Variants in UNC79 observed in about 807,000 individuals in gnomAD.
UNC79 encodes unc-79 subunit of NALCN channel complex.
A neutral mutation model predicts 283.1 loss-of-function variants in UNC79; 37 were observed. The observed-to-expected ratio is 0.13, with a 90% CI of 0.10 to 0.17. The LOEUF (loss-of-function observed/expected upper bound fraction) is 0.17, where lower values mean the gene tolerates loss of function less well. UNC79 is among the 10% of genes least tolerant of loss of function. The pLI is 1.00. For synonymous variants in UNC79, 1,107 were observed against 1,200.2 expected (o/e 0.92, Z 1.61); for missense variants, 2,272 against 3,211.1 (o/e 0.71, Z 7.07).
At chr14:93,668,379 A>G (rs2072448230) in intron 40 of UNC79, among the ~76,000 whole-genome samples, 1 of 152,126 alleles carries the variant, frequency 6.6e-6, no homozygotes, top group African/African-American at 2.4e-5. Context: ...ATACTTTTAA[A>G]ATGTCATCTA....
At chr14:93,368,511 C>T (rs572468755) in intron 1 of UNC79, among the ~76,000 whole-genome samples, 4 of 151,970 alleles carry the variant, frequency 2.6e-5, no homozygotes, top group African/African-American at 7.2e-5. Flanking sequence ...CTTGTTCTGT[C>T]GTCCAGGCTG....
At chr14:93,418,198 G>T (rs1229907736) in intron 1 of UNC79, among the ~76,000 whole-genome samples, 1 of 151,622 alleles carries the variant, frequency 6.6e-6, no homozygotes, top group South Asian at 2.1e-4. Flanking sequence ...TGGGTTTTTG[G>T]TGTGGATGCC....
intron 11 of UNC79, among the ~76,000 whole-genome samples, chr14:93,533,812 T>C (rs1459181592): frequency 6.6e-6 from 1 of 152,256 alleles, no homozygotes; most frequent in Non-Finnish European, 1.5e-5. Flanking sequence ...ACATTTAATC[T>C]ACCACAATCT....
At chr14:93,377,663 G>T (rs1482690846) in intron 1 of UNC79, among the ~76,000 whole-genome samples, 1 of 152,154 alleles carries the variant, frequency 6.6e-6, no homozygotes, top group Non-Finnish European at 1.5e-5. Flanking sequence ...TAACGGAACT[G>T]CTTATAGCTG....
At chr14:93,393,177 C>A (rs1467558127) in intron 1 of UNC79, among the ~76,000 whole-genome samples, 1 of 152,134 alleles carries the variant, frequency 6.6e-6, no homozygotes, top group Non-Finnish European at 1.5e-5. Flanking sequence ...TAAACTGACC[C>A]ACTTACACAA....
At chr14:93,594,226 A>G (rs1012932139) in intron 23 of UNC79, among the ~76,000 whole-genome samples, 3 of 152,042 alleles carry the variant, frequency 2.0e-5, no homozygotes, top group Non-Finnish European at 4.4e-5. Context: ...GAGCTACCGA[A>G]TCAGAATCTC....
chr14:93,529,948 G>A (rs1407390926), intron 10 of UNC79, among the ~76,000 whole-genome samples: 1 of 152,166 alleles, frequency 6.6e-6, no homozygotes, highest in Non-Finnish European at 1.5e-5. Context: ...AGCTATTCCA[G>A]CCATGTCATT....
intron 14 of UNC79, among the ~76,000 whole-genome samples, chr14:93,570,542 G>A (rs1455815285): frequency 1.3e-5 from 2 of 152,188 alleles, no homozygotes; most frequent in Non-Finnish European, 2.9e-5. Flanking sequence ...CTTCCCCTGG[G>A]CCATGTGCAG....
At chr14:93,591,741 A>G (rs569641740) in intron 22 of UNC79, among the ~76,000 whole-genome samples, 5 of 152,356 alleles carry the variant, frequency 3.3e-5, no homozygotes, top group South Asian at 2.1e-4. Flanking sequence ...CACTAGTGGC[A>G]CTTCGTATGG....
rs770262206 is a variant in UNC79, at chr14:93,698,595, C to T, written c.7548+4183C>T. On this transcript the variant is annotated intron_variant, in intron 47 of 48. Transcript: ENST00000555664. ...CTGCCTCCCGGGTTCAAGCAATTCTCGTGCTTTAGTCTCCTGAGTAGCTGG... is the reference window on the plus strand; with the variant it reads ...CTGCCTCCCGGGTTCAAGCAATTCTTGTGCTTTAGTCTCCTGAGTAGCTGG... 4.9e-5 allele frequency among the ~76,000 whole-genome samples: 7 copies of T among 142,200 alleles called. No individual in the cohort carries two copies. In the East Asian group the frequency reaches 6.6e-4, roughly 13 times the overall value. 93.3% of individuals were successfully genotyped at this position (142,200 alleles called of 152,430 possible). A position where few individuals can be genotyped will look rare whatever the true frequency, so the allele number is the denominator to read the frequency against.
At chr14:93,451,681 A>G (rs2056647989) in intron 1 of UNC79, among the ~76,000 whole-genome samples, 1 of 152,172 alleles carries the variant, frequency 6.6e-6, no homozygotes, top group Non-Finnish European at 1.5e-5. Context: ...TTTTCAGCCA[A>G]TCCCCCACAT....
At chr14:93,547,171 G>T in intron 14 of UNC79, among the ~76,000 whole-genome samples, 1 of 152,176 alleles carries the variant, frequency 6.6e-6, no homozygotes, top group East Asian at 1.9e-4. Context: ...GAAGCATAAA[G>T]ATGTATCATG....
At position 93,621,717 on chromosome 14, in the gene UNC79, G is replaced by C; in HGVS notation, c.4484G>C (p.Arg1495Pro). The C allele has an allele frequency of 6.2e-7, 1 of 1,613,830 alleles. No individual in the cohort carries two copies. ...GAAAGCATTCCGAAAAAAAAGCTAC[G>C]CTCTTTCAAACAAAAATCTCTTGAT... Residue 1495 changes from arginine to proline, a missense_variant, in exon 30 of 49, where the codon CGC becomes CCC. Around this residue, in one of 11 missense-constraint regions of UNC79, gnomAD observed 580 missense variants for 632.2 expected, o/e 0.92. Coordinates refer to ENST00000555664, the Ensembl canonical transcript of UNC79. The surrounding 1 kb of genome is among the most constrained non-coding windows in gnomAD (Gnocchi z 4.8).
Position 93,430,963 on chromosome 14 carries a change from G to A in UNC79, c.-67G>A. On this transcript the variant is annotated 5_prime_UTR_variant, in exon 1 of 49. Transcript: ENST00000555664. This position sits in a 1 kb window ranked among gnomAD's most constrained non-coding sequence, Gnocchi z 4.6. ...TATGCACTCTTTTCCTCGCAACATC[G>A]CTGGCGGAGCGAGGGAGCTCACACG... 1.4e-6 allele frequency: 1 copy of A among 697,826 alleles called. No individual in the cohort carries two copies. Among genetic ancestry groups the A allele is most frequent in the Non-Finnish European group, 2.6e-6 (1 of 382,240 alleles). The allele number at this position is 697,826 out of a possible 1,614,324, so 43.2% of individuals were successfully genotyped here. A position where few individuals can be genotyped will look rare whatever the true frequency, so the allele number is the denominator to read the frequency against.
At chr14:93,401,420 A>C (rs2055105589) in intron 1 of UNC79, among the ~76,000 whole-genome samples, 6 of 152,228 alleles carry the variant, frequency 3.9e-5, no homozygotes, top group Admixed American at 3.9e-4. Flanking sequence ...GCTCAAAACA[A>C]GGTAAATATC....
intron 1 of UNC79, among the ~76,000 whole-genome samples, chr14:93,444,825 CTG>C (rs2140145764): frequency 6.6e-6 from 1 of 152,220 alleles, no homozygotes; most frequent in African/African-American, 2.4e-5. Context: ...TTTTTCAAAA[CTG>C]TTTCAACTAT....
rs777801292 is a variant in UNC79 at position 93,630,771 on chromosome 14, C to T, written c.5609-30C>T. On this transcript the variant is annotated intron_variant, in intron 30 of 48. Transcript: ENST00000555664. Reference sequence around the variant, plus strand: ...CTTGAACTTGCTTTTAATCAGTGTCCTGAGTTTTAAATAATATTTCTGTTT... The same window carrying T: ...CTTGAACTTGCTTTTAATCAGTGTCTTGAGTTTTAAATAATATTTCTGTTT... The T allele has an allele frequency of 5.7e-6, 9 of 1,590,746 alleles. No homozygotes were observed. In the South Asian group the frequency reaches 6.6e-5, roughly 12 times the overall value.
chr14:93,568,043 A>G (rs1459361843), intron 14 of UNC79, among the ~76,000 whole-genome samples: 1 of 152,192 alleles, frequency 6.6e-6, no homozygotes, highest in Non-Finnish European at 1.5e-5. Context: ...ATATGCACCT[A>G]TCTCAGTGTG....
At chr14:93,367,743 T>C (rs2054364374) in intron 1 of UNC79, among the ~76,000 whole-genome samples, 1 of 152,228 alleles carries the variant, frequency 6.6e-6, no homozygotes, top group Non-Finnish European at 1.5e-5. Flanking sequence ...CCCATCTATC[T>C]TGAGCAGTGT....
Sources: allele counts gnomAD v4.1 joint callset (sites outside exome capture counted in the v4.1 genomes callset), GRCh38; gene constraint gnomAD v4.1.1; regional missense constraint gnomAD v4.1.1; non-coding constraint Gnocchi (gnomAD v3.1); transcripts MANE v1.5; gene names NCBI Gene and HGNC (gene_info 2026-07-23, HGNC 2026-07-21).